CEP128: variants seen among roughly 807,000 people sequenced by gnomAD.
CEP128 encodes the protein centrosomal protein 128kDa.
A neutral mutation model predicts 156.7 loss-of-function variants in CEP128; 132 were observed. The ratio of observed to expected loss-of-function variants is 0.84; its 90% CI spans 0.73 to 0.97. CEP128 has a LOEUF of 0.97. Ranked by LOEUF, CEP128 falls within the 50% of genes least tolerant of loss-of-function variation. The pLI is 0.00. For synonymous variants in CEP128, 469 were observed against 448.9 expected (o/e 1.04, Z -0.57); for missense variants, 1,252 against 1,281.9 (o/e 0.98, Z 0.36).
chr14:80,499,172 T>C (rs1887626507), intron 24 of CEP128, among the ~76,000 whole-genome samples: 1 of 152,240 alleles, frequency 6.6e-6, no homozygotes, highest in South Asian at 2.1e-4. Flanking sequence ...TTGCCATTAA[T>C]CTTTGGCATT....
intron 17 of CEP128, among the ~76,000 whole-genome samples, chr14:80,757,348 T>A (rs1366410737): frequency 6.6e-6 from 1 of 152,232 alleles, no homozygotes; most frequent in East Asian, 1.9e-4. Context: ...TGTGATTACA[T>A]GGAAACAATT....
chr14:80,847,492 T>C (rs1040087382), intron 9 of CEP128, among the ~76,000 whole-genome samples: 1 of 152,174 alleles, frequency 6.6e-6, no homozygotes. Context: ...TGTATGATGA[T>C]AGGACAAAGA....
chr14:80,791,710 CAGAT>C (rs1268958259), intron 14 of CEP128, among the ~76,000 whole-genome samples: 1 of 152,150 alleles, frequency 6.6e-6, no homozygotes, highest in Non-Finnish European at 1.5e-5. Flanking sequence ...CAGTATGTGT[CAGAT>C]GGGTTAAAAT....
At chr14:80,909,401 A>ACG (rs1884076840) in intron 4 of CEP128, among the ~76,000 whole-genome samples, 1 of 150,488 alleles carries the variant, frequency 6.6e-6, no homozygotes, top group Non-Finnish European at 1.5e-5. Flanking sequence ...ACACACACAC[A>ACG]CACGCAAACT....
intron 21 of CEP128, among the ~76,000 whole-genome samples, chr14:80,551,219 C>G (rs1350663108): frequency 6.6e-6 from 1 of 152,088 alleles, no homozygotes; most frequent in Admixed American, 6.6e-5. Flanking sequence ...GTTATTTAGA[C>G]CATTTAGTTC....
intron 13 of CEP128, among the ~76,000 whole-genome samples, chr14:80,801,915 A>C (rs1304981477): frequency 7.0e-6 from 1 of 143,566 alleles, no homozygotes; most frequent in African/African-American, 2.7e-5. Context: ...CTCCCCAAAA[A>C]AAAAAAAAAA....
intron 15 of CEP128, 26 bp downstream of exon 15, chr14:80,784,869 T>G (rs748505590): frequency 5.8e-6 from 9 of 1,548,578 alleles, no homozygotes; most frequent in Non-Finnish European, 7.8e-6. Flanking sequence ...TCCTTCAGTA[T>G]CATCAGGATA....
intron 19 of CEP128, among the ~76,000 whole-genome samples, chr14:80,648,915 G>A (rs1894775709): frequency 6.6e-6 from 1 of 152,074 alleles, no homozygotes; most frequent in African/African-American, 2.4e-5. Flanking sequence ...CAGGTTTACA[G>A]TAAGGTATAG....
chr14:80,846,938 C>A (rs374441646), intron 9 of CEP128, among the ~76,000 whole-genome samples: 1 of 152,070 alleles, frequency 6.6e-6, no homozygotes, highest in African/African-American at 2.4e-5. Context: ...TATTATCAAA[C>A]TGGAATATTC....
At chr14:80,813,451 G>A (rs960227572) in intron 13 of CEP128, among the ~76,000 whole-genome samples, 3 of 151,730 alleles carry the variant, frequency 2.0e-5, no homozygotes, top group African/African-American at 7.3e-5. Context: ...CATGTTTTTG[G>A]TGTCCTAAGA....
chr14:80,510,717 T>C (rs1446086354), intron 23 of CEP128, among the ~76,000 whole-genome samples: 2 of 152,114 alleles, frequency 1.3e-5, no homozygotes, highest in African/African-American at 2.4e-5. Flanking sequence ...TCATTCAGTA[T>C]GATACTAGCT....
intron 19 of CEP128, among the ~76,000 whole-genome samples, chr14:80,597,950 C>CA (rs34001813): frequency 0.042 from 3,400 of 80,052 alleles, 112 homozygotes; most frequent in African/African-American, 0.093. Flanking sequence ...TCCTCAGCTA[C>CA]AAAAAAAAAA....
chr14:80,887,222 A>G (rs533220885), intron 8 of CEP128, among the ~76,000 whole-genome samples: 22 of 152,076 alleles, frequency 1.4e-4, no homozygotes, highest in Non-Finnish European at 2.8e-4. Flanking sequence ...AGATCAATGA[A>G]ACAGAAAATT....
At chr14:80,694,221 T>G (rs913533917) in intron 19 of CEP128, among the ~76,000 whole-genome samples, 1 of 152,146 alleles carries the variant, frequency 6.6e-6, no homozygotes, top group Non-Finnish European at 1.5e-5. Context: ...CCATTTCACA[T>G]CAGTTAGAAT....
At chr14:80,508,405 A>C (rs143491796) in intron 23 of CEP128, among the ~76,000 whole-genome samples, 4,563 of 152,226 alleles carry the variant, frequency 0.03, 100 homozygotes, top group Middle Eastern at 0.092. Flanking sequence ...TTACTTATAA[A>C]TATCTATTTG....
chr14:80,875,949 A>G (rs551235477), intron 8 of CEP128, among the ~76,000 whole-genome samples: 1 of 152,236 alleles, frequency 6.6e-6, no homozygotes, highest in East Asian at 1.9e-4. Context: ...ATTAAATAAC[A>G]AAATAGCATA....
intron 19 of CEP128, among the ~76,000 whole-genome samples, chr14:80,649,245 G>A (rs1025311695): frequency 2.6e-5 from 4 of 151,970 alleles, no homozygotes; most frequent in South Asian, 2.1e-4. Context: ...TTATACCTTC[G>A]TCCTCTTCCC....
intron 17 of CEP128, among the ~76,000 whole-genome samples, chr14:80,759,677 GAA>G (rs1451149957): frequency 6.6e-6 from 1 of 152,068 alleles, no homozygotes; most frequent in Non-Finnish European, 1.5e-5. Context: ...GACTTGGATT[GAA>G]TTAGTCTTTC....
chr14:80,836,431 A>C (rs1886081849), intron 11 of CEP128, 94 bp from the exon 12 acceptor site: 1 of 1,370,498 alleles, frequency 7.3e-7, no homozygotes, highest in African/African-American at 1.4e-5. Context: ...AATCCAGGTT[A>C]ATCTCCTTCC....
Sources: allele counts gnomAD v4.1 joint callset (sites outside exome capture counted in the v4.1 genomes callset), GRCh38; gene constraint gnomAD v4.1.1; transcripts MANE v1.5; gene names NCBI Gene and HGNC (gene_info 2026-07-23, HGNC 2026-07-21).